Variants in COX7B2 observed in about 807,000 individuals in gnomAD.
The protein encoded by COX7B2 is cytochrome c oxidase subunit 7B2.
For synonymous variants in COX7B2, 37 were observed against 32.1 expected (o/e 1.15, Z -0.51); for missense variants, 109 against 95.9 (o/e 1.14, Z -0.57).
chr4:46,784,692 G>A (rs1266224990), intron 2 of COX7B2, among the ~76,000 whole-genome samples: 2 of 152,164 alleles, frequency 1.3e-5, no homozygotes, highest in Non-Finnish European at 2.9e-5. Context: ...ATAACCACCT[G>A]AAGTAAAATT....
At chr4:46,878,253 G>GAAAAGGGGAGAAAA (rs1199187692) in intron 1 of COX7B2, among the ~76,000 whole-genome samples, 4 of 151,946 alleles carry the variant, frequency 2.6e-5, no homozygotes, top group African/African-American at 9.7e-5. Context: ...AGGAGGTAAG[G>GAAAAGGGGAGAAAA]AAAAGGGGAG....
chr4:46,736,090 CAA>C (rs917657957), intron 2 of COX7B2, among the ~76,000 whole-genome samples: 3 of 152,066 alleles, frequency 2.0e-5, no homozygotes, highest in Admixed American at 2.0e-4. Flanking sequence ...TAGGTTTTAA[CAA>C]ATGTATAATG....
At chr4:46,803,517 AT>A (rs1718779939) in intron 2 of COX7B2, among the ~76,000 whole-genome samples, 1 of 152,166 alleles carries the variant, frequency 6.6e-6, no homozygotes, top group African/African-American at 2.4e-5. Context: ...GACTATGAAA[AT>A]ATCTTAAGGT....
intron 2 of COX7B2, among the ~76,000 whole-genome samples, chr4:46,757,469 A>ATT (rs546123159): frequency 6.6e-6 from 1 of 152,106 alleles, no homozygotes; most frequent in South Asian, 2.1e-4. Flanking sequence ...ACAATAAGTT[A>ATT]TTTTTTTAAA....
At chr4:46,767,305 G>A (rs1204392258) in intron 2 of COX7B2, among the ~76,000 whole-genome samples, 1 of 152,160 alleles carries the variant, frequency 6.6e-6, no homozygotes, top group Non-Finnish European at 1.5e-5. Context: ...AATTCATCAG[G>A]AGAATTAACA....
chr4:46,837,147 A>G (rs1715569402), intron 2 of COX7B2, among the ~76,000 whole-genome samples: 1 of 152,050 alleles, frequency 6.6e-6, no homozygotes, highest in Admixed American at 6.6e-5. Flanking sequence ...AGAGACTCTG[A>G]GACTTAGCTC....
At chr4:46,819,485 G>A (rs1714115912) in intron 2 of COX7B2, among the ~76,000 whole-genome samples, 1 of 142,550 alleles carries the variant, frequency 7.0e-6, no homozygotes. Flanking sequence ...GCAAGAAGAA[G>A]AATTGTCTTG....
intron 1 of COX7B2, among the ~76,000 whole-genome samples, chr4:46,860,723 T>C (rs962689755): frequency 1.3e-5 from 2 of 152,148 alleles, no homozygotes; most frequent in African/African-American, 4.8e-5. Flanking sequence ...CATGGGTCCT[T>C]TTTATTTTCC....
At chr4:46,748,822 G>A (rs192314700) in intron 2 of COX7B2, among the ~76,000 whole-genome samples, 21 of 152,130 alleles carry the variant, frequency 1.4e-4, no homozygotes, top group Non-Finnish European at 2.1e-4. Flanking sequence ...TTCACTCATA[G>A]GTTCTCATCT....
rs543794222 is a variant in COX7B2 at position 46,888,610 on chromosome 4, A to AT, written c.-105+20549dup. 8.2e-3 allele frequency among the ~76,000 whole-genome samples: 1,237 copies of AT among 151,618 alleles called. 13 individuals carry two copies. The highest frequency in any genetic ancestry group is 0.014 in the Middle Eastern group (4 of 290). ...AGGCGCCCACCACCATGCCTGGCTA[A>AT]TTTTTTTGTATTTTTTTACTAGAGA... On this transcript the variant is annotated intron_variant, in intron 1 of 2. Coordinates refer to ENST00000355591, the MANE Select transcript of COX7B2 (RefSeq NM_130902.3).
At chr4:46,868,190 G>A (rs961591789) in intron 1 of COX7B2, among the ~76,000 whole-genome samples, 2 of 151,998 alleles carry the variant, frequency 1.3e-5, no homozygotes, top group Non-Finnish European at 2.9e-5. Flanking sequence ...AGTTTCTGAT[G>A]GCTAATTTTA....
chr4:46,759,130 A>G (rs187440008), intron 2 of COX7B2, among the ~76,000 whole-genome samples: 18 of 152,258 alleles, frequency 1.2e-4, no homozygotes, highest in African/African-American at 4.1e-4. Flanking sequence ...CTCTGGAAAG[A>G]TATACTTCTA....
intron 1 of COX7B2, among the ~76,000 whole-genome samples, chr4:46,873,906 T>C (rs1313511141): frequency 1.3e-5 from 2 of 152,048 alleles, no homozygotes; most frequent in African/African-American, 4.8e-5. Context: ...CACCTATGAG[T>C]GAGAACATGC....
intron 2 of COX7B2, among the ~76,000 whole-genome samples, chr4:46,753,252 T>C (rs1253343680): frequency 2.0e-5 from 3 of 152,168 alleles, no homozygotes; most frequent in Non-Finnish European, 4.4e-5. Context: ...TTCTGTGGGA[T>C]CGGTGGTGAT....
At chr4:46,783,357 G>T (rs1338917929) in intron 2 of COX7B2, among the ~76,000 whole-genome samples, 1 of 152,186 alleles carries the variant, frequency 6.6e-6, no homozygotes, top group African/African-American at 2.4e-5. Context: ...CAGGTAGCTG[G>T]CTGATCTCTT....
chr4:46,784,109 A>T (rs1717624652), intron 2 of COX7B2, among the ~76,000 whole-genome samples: 3 of 152,182 alleles, frequency 2.0e-5, no homozygotes, highest in Admixed American at 2.0e-4. Flanking sequence ...TCTGCTATAT[A>T]ACCCAGTTCC....
intron 2 of COX7B2, among the ~76,000 whole-genome samples, chr4:46,757,346 T>C (rs1715862798): frequency 6.6e-6 from 1 of 152,004 alleles, no homozygotes; most frequent in Admixed American, 6.6e-5. Context: ...GCTGAAAAAC[T>C]ACCTACTGGT....
chr4:46,753,647 G>T (rs1560354501), intron 2 of COX7B2, among the ~76,000 whole-genome samples: 2 of 151,994 alleles, frequency 1.3e-5, no homozygotes. Context: ...CAGGACATGG[G>T]CATGGGCAAG....
intron 2 of COX7B2, among the ~76,000 whole-genome samples, chr4:46,833,453 A>G (rs1280728169): frequency 6.6e-6 from 1 of 152,238 alleles, no homozygotes; most frequent in Non-Finnish European, 1.5e-5. Context: ...CATAGGAAAT[A>G]TGACATTCCA....
Sources: allele counts gnomAD v4.1 joint callset (sites outside exome capture counted in the v4.1 genomes callset), GRCh38; gene constraint gnomAD v4.1.1; transcripts MANE v1.5; gene names NCBI Gene and HGNC (gene_info 2026-07-23, HGNC 2026-07-21).